C8orf88: variants seen among roughly 807,000 people sequenced by gnomAD.
C8orf88 encodes chromosome 8 open reading frame 88.
In C8orf88, 14 loss-of-function variants were observed where a neutral mutation model predicts 18.4. That is an observed-to-expected ratio of 0.76 (90% CI 0.50 to 1.19). The LOEUF is 1.19. Ranked by LOEUF, C8orf88 falls within the 50% of genes most tolerant of loss-of-function variation. The pLI is 0.00. For missense variants in C8orf88, 116 were observed against 134.7 expected (o/e 0.86, Z 0.69); for synonymous variants, 45 against 42.9 (o/e 1.05, Z -0.19).
chr8:90,974,989 A>G (rs1021609149), intron 3 of C8orf88, among the ~76,000 whole-genome samples: 2 of 152,186 alleles, frequency 1.3e-5, no homozygotes, highest in South Asian at 4.1e-4. Flanking sequence ...TTTACAAAAA[A>G]TACCATTTAC....
intron 4 of C8orf88, among the ~76,000 whole-genome samples, chr8:90,964,890 G>A (rs1641180141): frequency 6.6e-6 from 1 of 150,600 alleles, no homozygotes; most frequent in Non-Finnish European, 1.5e-5. Flanking sequence ...ATATAGTAAA[G>A]CAAACTAAAA....
At position 90,961,050 on chromosome 8, in the gene C8orf88, A is replaced by G. The variant is rs529503263; in HGVS notation, c.224-202T>C. ...TTTTACATAGAAAGAAAACCAAGTA[A>G]CCAAGGAAACAATGAAAGAAATATA... On this transcript the variant is annotated intron_variant, in intron 4 of 5. Coordinates refer to ENST00000517562, the MANE Select transcript of C8orf88 (RefSeq NM_001190972.2). 7.9e-5 allele frequency among the ~76,000 whole-genome samples: 12 copies of G among 151,576 alleles called. 1 individual carries two copies. The South Asian group carries it at 2.5e-3, about 31-fold the overall frequency.
At chr8:90,984,877 C>G (rs1409047514) in intron 1 of C8orf88, among the ~76,000 whole-genome samples, 6 of 152,202 alleles carry the variant, frequency 3.9e-5, no homozygotes, top group Admixed American at 3.9e-4. Context: ...TCGGGCTCCC[C>G]TGGCCCCCTA....
chr8:90,972,945 G>A (rs185452023), intron 3 of C8orf88, among the ~76,000 whole-genome samples: 1 of 152,142 alleles, frequency 6.6e-6, no homozygotes, highest in East Asian at 1.9e-4. Flanking sequence ...TCTTGCAAAG[G>A]TGCCAAATGT....
Position 90,978,609 on chromosome 8 carries a change from G to A in C8orf88, c.117C>T (p.Asn39=). Residue 39 remains asparagine (N), a synonymous_variant, in exon 3 of 6, where the codon AAC becomes AAT. Transcript: ENST00000517562. ...TAACTCCACTTTGTATGCACTGAGTGTTGCATGGATATTCGTTTTGAAAGT... is the reference window on the plus strand; with the variant it reads ...TAACTCCACTTTGTATGCACTGAGTATTGCATGGATATTCGTTTTGAAAGT... ...PFNFQNEYPC[N]TQCIQSGVSR... 6 of 1,530,634 alleles carry A rather than the reference G, an allele frequency of 3.9e-6. No individual in the cohort carries two copies. Among genetic ancestry groups the A allele is most frequent in the Non-Finnish European group, 5.2e-6 (6 of 1,143,910 alleles). The allele number at this position is 1,530,634 out of a possible 1,614,324, so 94.8% of individuals were successfully genotyped here. A position where few individuals can be genotyped will look rare whatever the true frequency, so the allele number is the denominator to read the frequency against.
intron 1 of C8orf88, among the ~76,000 whole-genome samples, chr8:90,981,673 T>C (rs1811437327): frequency 6.6e-6 from 1 of 152,146 alleles, no homozygotes; most frequent in East Asian, 1.9e-4. Context: ...ATCAGTTAGT[T>C]GAGGCCACAA....
At position 90,974,715 on chromosome 8, in the gene C8orf88, T is replaced by C. The variant is rs1265202361; in HGVS notation, c.148-3574A>G. Among the ~76,000 whole-genome samples, 4 of 152,262 alleles carry C rather than the reference T, an allele frequency of 2.6e-5. No homozygotes were observed. In the South Asian group the frequency reaches 8.3e-4, roughly 32 times the overall value. On this transcript the variant is annotated intron_variant, in intron 3 of 5. Transcript: ENST00000517562. ...ATTTACACAAAGAAATAAAAAGTTC[T>C]GGAAAGGCAATAAATGAAAGTAAAA...
chr8:90,981,006 A>G (rs1811428118), intron 1 of C8orf88, among the ~76,000 whole-genome samples: 1 of 152,016 alleles, frequency 6.6e-6, no homozygotes. Context: ...TGGTCTTCTT[A>G]GCTAAAACTC....
chr8:90,971,241 T>G, intron 3 of C8orf88, 100 bp from the exon 4 acceptor site: 4 of 529,892 alleles, frequency 7.5e-6, no homozygotes, highest in Non-Finnish European at 9.6e-6. Context: ...TAAATGCATT[T>G]AGTAGGAGCT....
At chr8:90,982,191 G>T (rs1010598344) in intron 1 of C8orf88, among the ~76,000 whole-genome samples, 13 of 151,896 alleles carry the variant, frequency 8.6e-5, no homozygotes, top group African/African-American at 3.1e-4. Context: ...AATGCTCTCT[G>T]TACTTTTTGT....
At position 90,972,014 on chromosome 8, in the gene C8orf88, C is replaced by T. The variant is rs1811290711; in HGVS notation, c.148-873G>A. On this transcript the variant is annotated intron_variant, in intron 3 of 5. Coordinates refer to ENST00000517562, the MANE Select transcript of C8orf88 (RefSeq NM_001190972.2). ...CCCTGAGAGATTATCTCCTCTTGTG[C>T]TGACAAAAATCAGTTTGTAAACCAT... Among the ~76,000 whole-genome samples the T allele has an allele frequency of 2.0e-5, 3 of 152,138 alleles. No individual in the cohort carries two copies. In the South Asian group the frequency reaches 6.2e-4, roughly 31 times the overall value.
At chr8:90,962,392 A>T (rs1811140287) in intron 4 of C8orf88, among the ~76,000 whole-genome samples, 1 of 151,618 alleles carries the variant, frequency 6.6e-6, no homozygotes, top group South Asian at 2.1e-4. Context: ...AGTCAGGGAA[A>T]ATAGCCAAGT....
chr8:90,968,146 A>C (rs1370494867), intron 4 of C8orf88, among the ~76,000 whole-genome samples: 1 of 151,712 alleles, frequency 6.6e-6, no homozygotes, highest in African/African-American at 2.4e-5. Flanking sequence ...AAGTTAGAAG[A>C]CTTACACTTC....
At chr8:90,975,162 T>A (rs564805626) in intron 3 of C8orf88, among the ~76,000 whole-genome samples, 8 of 152,162 alleles carry the variant, frequency 5.3e-5, no homozygotes, top group Non-Finnish European at 1.0e-4. Flanking sequence ...GCCAATAGAC[T>A]TTTTGTAGAA....
At chr8:90,963,610 A>C (rs1249900864) in intron 4 of C8orf88, among the ~76,000 whole-genome samples, 1 of 151,740 alleles carries the variant, frequency 6.6e-6, no homozygotes, top group East Asian at 1.9e-4. Flanking sequence ...AACATCAATA[A>C]AGAGATGGAA....
intron 2 of C8orf88, among the ~76,000 whole-genome samples, chr8:90,979,199 A>G (rs1262047827): frequency 1.3e-5 from 2 of 152,180 alleles, no homozygotes; most frequent in African/African-American, 4.8e-5. Context: ...TACCAGGGCT[A>G]CCTGCCCACC....
At chr8:90,975,536 T>C (rs1056469692) in intron 3 of C8orf88, among the ~76,000 whole-genome samples, 10 of 152,052 alleles carry the variant, frequency 6.6e-5, no homozygotes, top group African/African-American at 1.9e-4. Flanking sequence ...AAGAAGTTCA[T>C]GGTAAGATGC....
chr8:90,979,779 T>C lies in C8orf88; in HGVS notation c.73+584A>G, dbSNP rs376178809. Among the ~76,000 whole-genome samples the C allele has an allele frequency of 9.8e-5, 15 of 152,310 alleles. 1 individual carries two copies. Among genetic ancestry groups the C allele is most frequent in the African/African-American group, 3.6e-4 (15 of 41,578 alleles). On this transcript the variant is annotated intron_variant, in intron 2 of 5. Coordinates refer to ENST00000517562, the MANE Select transcript of C8orf88 (RefSeq NM_001190972.2). The stretch of plus-strand genomic sequence containing the variant: ...AAGACTGATATTCCAATTTAGAAGT[T>C]AAATACCAGGTATTTCAGGAATTTC...
intron 4 of C8orf88, among the ~76,000 whole-genome samples, chr8:90,963,480 G>T (rs899635764): frequency 2.0e-4 from 31 of 151,582 alleles, no homozygotes; most frequent in African/African-American, 6.5e-4. Flanking sequence ...AAAAGAAATA[G>T]AAATTTTCAG....
Sources: allele counts gnomAD v4.1 joint callset (sites outside exome capture counted in the v4.1 genomes callset), GRCh38; gene constraint gnomAD v4.1.1; transcripts MANE v1.5; gene names NCBI Gene and HGNC (gene_info 2026-07-23, HGNC 2026-07-21).